Variants in ERC2 observed in about 807,000 individuals in gnomAD.
ERC2 encodes ELKS/RAB6-interacting/CAST family member 2.
A neutral mutation model predicts 114.8 loss-of-function variants in ERC2; 42 were observed. The observed-to-expected ratio is 0.37, with a 90% confidence interval of 0.29 to 0.47. ERC2 has a LOEUF of 0.47. Ranked by LOEUF, ERC2 falls within the 20% of genes least tolerant of loss-of-function variation. The probability of loss-of-function intolerance (pLI) is 0.99; values close to 1 mark genes in which losing one functional copy is unlikely to be tolerated. For synonymous variants in ERC2, 454 were observed against 425.5 expected (o/e 1.07, Z -0.82); for missense variants, 939 against 1,150.7 (o/e 0.82, Z 2.66).
intron 2 of ERC2, among the ~76,000 whole-genome samples, chr3:56,391,881 T>A (rs1253196510): frequency 6.6e-6 from 1 of 152,190 alleles, no homozygotes; most frequent in Non-Finnish European, 1.5e-5. Flanking sequence ...TAACCTTCTC[T>A]GTCCCCGAGG....
At chr3:56,314,642 A>T (rs1193625531) in intron 2 of ERC2, among the ~76,000 whole-genome samples, 1 of 151,022 alleles carries the variant, frequency 6.6e-6, no homozygotes, top group East Asian at 1.9e-4. Context: ...AATAGCACAT[A>T]AAAAAAAAGA....
intron 4 of ERC2, among the ~76,000 whole-genome samples, chr3:56,159,998 A>C (rs1397226297): frequency 1.3e-5 from 2 of 152,100 alleles, no homozygotes; most frequent in African/African-American, 4.8e-5. Context: ...TTGGTAAAAC[A>C]ATTTACATTC....
intron 7 of ERC2, among the ~76,000 whole-genome samples, chr3:56,027,332 C>T (rs1463407643): frequency 6.6e-6 from 1 of 152,144 alleles, no homozygotes. Context: ...GGGACAAATG[C>T]TACCAGAGTG....
chr3:56,306,225 A>C (rs919796247), intron 2 of ERC2, among the ~76,000 whole-genome samples: 2 of 152,082 alleles, frequency 1.3e-5, no homozygotes, highest in African/African-American at 4.8e-5. Context: ...ATGAAATCTA[A>C]AATATTTACT....
At chr3:56,230,834 C>G (rs929149807) in intron 3 of ERC2, among the ~76,000 whole-genome samples, 16 of 152,120 alleles carry the variant, frequency 1.1e-4, no homozygotes, top group African/African-American at 3.6e-4. Flanking sequence ...ATGTTCTTTG[C>G]CACTTCTCTC....
intron 14 of ERC2, among the ~76,000 whole-genome samples, chr3:55,873,679 C>A (rs1413458710): frequency 6.6e-6 from 1 of 152,196 alleles, no homozygotes; most frequent in African/African-American, 2.4e-5. Flanking sequence ...TCACACAGGC[C>A]TCCACTGAGC....
At chr3:55,817,629 C>T (rs1482906576) in intron 14 of ERC2, among the ~76,000 whole-genome samples, 1 of 152,204 alleles carries the variant, frequency 6.6e-6, no homozygotes, top group African/African-American at 2.4e-5. Context: ...GGGTTATCTC[C>T]TTGGGCTCAG....
chr3:55,995,165 T>G (rs1288021861), intron 10 of ERC2, among the ~76,000 whole-genome samples: 1 of 152,112 alleles, frequency 6.6e-6, no homozygotes, highest in Non-Finnish European at 1.5e-5. Context: ...ACACCCCATC[T>G]CTACTAAAAA....
At chr3:55,639,188 G>C (rs1177873961) in intron 17 of ERC2, among the ~76,000 whole-genome samples, 1 of 152,162 alleles carries the variant, frequency 6.6e-6, no homozygotes, top group Admixed American at 6.5e-5. Flanking sequence ...TCCAGAATCT[G>C]ATACTCAGAC....
intron 17 of ERC2, among the ~76,000 whole-genome samples, chr3:55,534,075 AG>A (rs1188244351): frequency 6.6e-6 from 1 of 152,178 alleles, no homozygotes; most frequent in East Asian, 1.9e-4. Context: ...AAAGGATAAC[AG>A]GAACTCCACA....
chr3:55,746,893 G>C (rs1051620656), intron 14 of ERC2, among the ~76,000 whole-genome samples: 2 of 152,168 alleles, frequency 1.3e-5, no homozygotes, highest in African/African-American at 4.8e-5. Context: ...TTTTGGGAGG[G>C]TGAAGGAAAC....
At chr3:56,082,230 T>C (rs1213090919) in intron 6 of ERC2, among the ~76,000 whole-genome samples, 1 of 151,980 alleles carries the variant, frequency 6.6e-6, no homozygotes, top group Non-Finnish European at 1.5e-5. Flanking sequence ...CTTTAGGAGG[T>C]GATTAGGTCA....
intron 14 of ERC2, among the ~76,000 whole-genome samples, chr3:55,800,181 C>T (rs1381591030): frequency 6.6e-6 from 1 of 152,040 alleles, no homozygotes; most frequent in African/African-American, 2.4e-5. Context: ...TGCTCTGTTG[C>T]CCAGGCTGGA....
chr3:56,395,887 A>G (rs1050768138), intron 2 of ERC2, among the ~76,000 whole-genome samples: 15 of 152,238 alleles, frequency 9.9e-5, no homozygotes, highest in African/African-American at 3.4e-4. Context: ...TGTCCAGGAA[A>G]ACACTTCCAC....
intron 14 of ERC2, among the ~76,000 whole-genome samples, chr3:55,864,347 T>A (rs2149269090): frequency 6.6e-6 from 1 of 151,292 alleles, no homozygotes; most frequent in South Asian, 2.1e-4. Flanking sequence ...CATTTCTGAC[T>A]CTAAAATAGC....
intron 3 of ERC2, among the ~76,000 whole-genome samples, chr3:56,190,934 A>G (rs1349953593): frequency 1.3e-5 from 2 of 152,176 alleles, no homozygotes; most frequent in Non-Finnish European, 2.9e-5. Flanking sequence ...TAACATCCTC[A>G]TAACAGCCTG....
At position 56,110,712 on chromosome 3, in the gene ERC2, T is replaced by C. The variant is rs572656977; in HGVS notation, c.1473+28797A>G. Among the ~76,000 whole-genome samples the C allele has an allele frequency of 4.6e-5, 7 of 152,314 alleles. No homozygotes were observed. The South Asian group carries it at 1.5e-3, about 32-fold the overall frequency. ...GGAATTATAAATTATTTTTGGAAAA[T>C]GGCCTGTAGGCAGGATTGAGACAGG... On this transcript the variant is annotated intron_variant, in intron 6 of 17. Coordinates refer to ENST00000288221, the MANE Select transcript of ERC2 (RefSeq NM_015576.3).
At chr3:55,653,255 G>A (rs2060714351) in intron 17 of ERC2, among the ~76,000 whole-genome samples, 1 of 151,976 alleles carries the variant, frequency 6.6e-6, no homozygotes, top group Non-Finnish European at 1.5e-5. Context: ...CATCATTTCT[G>A]TAATCACTTT....
chr3:55,789,891 C>T (rs1355172779), intron 14 of ERC2, among the ~76,000 whole-genome samples: 5 of 152,164 alleles, frequency 3.3e-5, no homozygotes, highest in African/African-American at 1.2e-4. Context: ...CCAGCATTGA[C>T]ACCGTTGGGA....
Sources: gnomAD v4.1 joint callset for allele counts (sites outside exome capture counted in the v4.1 genomes callset) on GRCh38, gnomAD v4.1.1 for gene constraint, MANE v1.5 for transcripts, NCBI Gene and HGNC (gene_info 2026-07-23, HGNC 2026-07-21) for gene names.